NALF1: variants seen among roughly 807,000 people sequenced by gnomAD.
NALF1 encodes the protein family with sequence similarity 155 member A.
NALF1 carries 3 observed loss-of-function variants against 48.4 expected under a neutral mutation model. The observed-to-expected ratio is 0.06, with a 90% CI of 0.03 to 0.16. The LOEUF (loss-of-function observed/expected upper bound fraction) is 0.16, where lower values mean the gene tolerates loss of function less well. Among genes scored for constraint, NALF1 ranks in the 10% least tolerant of loss-of-function variants. NALF1 has a pLI of 1.00. For synonymous variants in NALF1, 262 were observed against 245.7 expected (o/e 1.07, Z -0.62); for missense variants, 526 against 571.5 (o/e 0.92, Z 0.81).
At position 107,168,017 on chromosome 13, in the gene NALF1, G is replaced by T. The variant is rs1878702613; in HGVS notation, c.*2480C>A. The T allele has an allele frequency of 6.6e-6, 1 of 152,356 alleles. No individual in the cohort carries two copies. Among genetic ancestry groups the T allele is most frequent in the Non-Finnish European group, 1.5e-5 (1 of 68,036 alleles). The allele number at this position is 152,356 out of a possible 1,614,324, so 9.4% of individuals were successfully genotyped here. ...ATAATTTATTGTCATACCAATAAAA[G>T]TGAGTGGAATTTGCACTTGCATTGT... On this transcript the variant is annotated 3_prime_UTR_variant, in exon 3 of 3. Transcript: ENST00000375915.
At chr13:107,243,344 G>C (rs140787802) in intron 1 of NALF1, among the ~76,000 whole-genome samples, 2,262 of 152,232 alleles carry the variant, frequency 0.015, 57 homozygotes, top group African/African-American at 0.051. Context: ...TCTCCTCAGA[G>C]TGAGCCCCTG....
chr13:107,342,444 G>A (rs1334183012), intron 1 of NALF1, among the ~76,000 whole-genome samples: 1 of 152,110 alleles, frequency 6.6e-6, no homozygotes, highest in Non-Finnish European at 1.5e-5. Context: ...TGGTGGAAAA[G>A]TAAGTCCCAG....
At chr13:107,489,592 C>T (rs1279527307) in intron 1 of NALF1, among the ~76,000 whole-genome samples, 1 of 152,142 alleles carries the variant, frequency 6.6e-6, no homozygotes, top group African/African-American at 2.4e-5. Context: ...AACTAGACCA[C>T]TTCCTTACAC....
intron 2 of NALF1, among the ~76,000 whole-genome samples, chr13:107,199,643 C>G (rs142289108): frequency 6.6e-6 from 1 of 152,276 alleles, no homozygotes; most frequent in Non-Finnish European, 1.5e-5. Context: ...ACTTTTCAGC[C>G]TTTGTTTTAA....
In NALF1 at chr13:107,595,725, T is replaced by C. The variant is rs140644460; in HGVS notation, c.915+269957A>G. ...CTGTCACATGCATCATCTGTGACCA[T>C]GAGTGATGGAAAAGTGAAAACTCAG... On this transcript the variant is annotated intron_variant, in intron 1 of 2. Transcript: ENST00000375915. Among the ~76,000 whole-genome samples the C allele has an allele frequency of 8.1e-3, 1,241 of 152,274 alleles. 8 individuals carry two copies. Among genetic ancestry groups the C allele is most frequent in the Middle Eastern group, 0.037 (11 of 294 alleles).
At chr13:107,437,566 G>C (rs764113144) in intron 1 of NALF1, among the ~76,000 whole-genome samples, 1 of 152,138 alleles carries the variant, frequency 6.6e-6, no homozygotes, top group Non-Finnish European at 1.5e-5. Context: ...ACATAAAAAG[G>C]AAGCAGCTAC....
chr13:107,394,652 T>C (rs1883681182), intron 1 of NALF1, among the ~76,000 whole-genome samples: 1 of 152,210 alleles, frequency 6.6e-6, no homozygotes, highest in Admixed American at 6.5e-5. Flanking sequence ...ATTCTTAACA[T>C]TATTGAAATT....
At chr13:107,248,303 T>G (rs1457425391) in intron 1 of NALF1, among the ~76,000 whole-genome samples, 1 of 152,050 alleles carries the variant, frequency 6.6e-6, no homozygotes, top group East Asian at 1.9e-4. Context: ...CTGTACCACA[T>G]CCAGGTGTTC....
At chr13:107,282,836 T>C (rs766881918) in intron 1 of NALF1, among the ~76,000 whole-genome samples, 2 of 152,228 alleles carry the variant, frequency 1.3e-5, no homozygotes, top group Non-Finnish European at 2.9e-5. Context: ...CTAATCTACT[T>C]CCCAAATCCT....
intron 1 of NALF1, among the ~76,000 whole-genome samples, chr13:107,753,494 CTTT>C (rs200846121): frequency 1.1e-4 from 15 of 137,018 alleles, no homozygotes; most frequent in Non-Finnish European, 9.6e-5. Context: ...CCAAGGCAGT[CTTT>C]TTTTTTTTTT....
At chr13:107,436,301 C>T (rs1336466222) in intron 1 of NALF1, among the ~76,000 whole-genome samples, 1 of 152,100 alleles carries the variant, frequency 6.6e-6, no homozygotes, top group African/African-American at 2.4e-5. Context: ...AAAACATCTC[C>T]TTGAATCTAG....
chr13:107,815,178 T>G (rs1879125538), intron 1 of NALF1, among the ~76,000 whole-genome samples: 1 of 152,124 alleles, frequency 6.6e-6, no homozygotes, highest in Admixed American at 6.6e-5. Context: ...AATTAAAAAC[T>G]TTTGTACTTC....
chr13:107,589,261 G>A (rs976769786), intron 1 of NALF1, among the ~76,000 whole-genome samples: 11 of 151,994 alleles, frequency 7.2e-5, no homozygotes, highest in African/African-American at 2.7e-4. Flanking sequence ...AAATCTGAAT[G>A]TACTACTTTC....
At chr13:107,780,146 T>C (rs1341373) in intron 1 of NALF1, among the ~76,000 whole-genome samples, 64,775 of 151,598 alleles carry the variant, frequency 0.43, 14,842 homozygotes, top group East Asian at 0.78. Context: ...ATCTCCTACA[T>C]AATTTACTGC....
At chr13:107,829,554 A>G (rs1879645205) in intron 1 of NALF1, among the ~76,000 whole-genome samples, 1 of 152,108 alleles carries the variant, frequency 6.6e-6, no homozygotes, top group South Asian at 2.1e-4. Context: ...TTTAAGGGCC[A>G]TGTTATGAAG....
intron 1 of NALF1, among the ~76,000 whole-genome samples, chr13:107,297,843 G>A (rs780429891): frequency 8.5e-5 from 13 of 152,068 alleles, no homozygotes; most frequent in South Asian, 2.1e-4. Flanking sequence ...GATGTTAACC[G>A]TACATACCTT....
intron 1 of NALF1, among the ~76,000 whole-genome samples, chr13:107,420,992 A>G (rs1292670000): frequency 6.6e-6 from 1 of 152,110 alleles, no homozygotes; most frequent in African/African-American, 2.4e-5. Context: ...CTTATCTACT[A>G]TTACCAAACA....
chr13:107,616,082 C>T (rs1879370816), intron 1 of NALF1, among the ~76,000 whole-genome samples: 1 of 152,132 alleles, frequency 6.6e-6, no homozygotes, highest in Admixed American at 6.5e-5. Context: ...TCTTAAGTAA[C>T]TTCAAAACTA....
At chr13:107,269,792 T>C (rs9587331) in intron 1 of NALF1, among the ~76,000 whole-genome samples, 52,256 of 151,416 alleles carry the variant, frequency 0.35, 10,012 homozygotes, top group African/African-American at 0.52. Context: ...TGTTTTATTA[T>C]ATAAGGAAGA....
Sources: gnomAD v4.1 joint callset for allele counts (sites outside exome capture counted in the v4.1 genomes callset) on GRCh38, gnomAD v4.1.1 for gene constraint, MANE v1.5 for transcripts, NCBI Gene and HGNC (gene_info 2026-07-23, HGNC 2026-07-21) for gene names.